The following PRKAR2B variants were observed in gnomAD, a reference collection of about 807,000 sequenced individuals.
PRKAR2B encodes cAMP-dependent protein kinase type II-beta regulatory subunit.
A neutral mutation model predicts 49.9 loss-of-function variants in PRKAR2B; 14 were observed. That is an observed-to-expected ratio of 0.28 (90% confidence interval 0.19 to 0.44). The LOEUF (loss-of-function observed/expected upper bound fraction) is 0.44, where lower values mean the gene tolerates loss of function less well. Among genes scored for constraint, PRKAR2B ranks in the 20% least tolerant of loss-of-function variants. The probability of loss-of-function intolerance (pLI) is 1.00; values close to 1 mark genes in which losing one functional copy is unlikely to be tolerated. For missense variants in PRKAR2B, 393 were observed against 537.9 expected (o/e 0.73, Z 2.67); for synonymous variants, 196 against 197.7 (o/e 0.99, Z 0.07).
At chr7:107,066,571 G>A (rs1177496727) in intron 1 of PRKAR2B, 3 of 151,882 alleles carry the variant, frequency 2.0e-5, no homozygotes, top group Non-Finnish European at 4.4e-5. Flanking sequence ...AAGATGTTTA[G>A]GTTTTTTTTG....
rs1796186808 is a variant in PRKAR2B at position 107,160,900 on chromosome 7, A to G, written c.*1318A>G. 1 of 152,230 alleles carries G rather than the reference A, an allele frequency of 6.6e-6. No homozygotes were observed. Among genetic ancestry groups the G allele is most frequent in the South Asian group, 2.1e-4 (1 of 4,832 alleles). The allele number at this position is 152,230 out of a possible 1,614,324, so 9.4% of individuals were successfully genotyped here. Reference sequence around the variant, plus strand: ...TATTCAACCAAAGCAATATACTCTTACATGATTTCTAGGCCCCATGACCCA... The same window carrying G: ...TATTCAACCAAAGCAATATACTCTTGCATGATTTCTAGGCCCCATGACCCA... On this transcript the variant is annotated 3_prime_UTR_variant, in exon 11 of 11. Coordinates refer to ENST00000265717, the MANE Select transcript of PRKAR2B (RefSeq NM_002736.3).
At chr7:107,053,099 G>T (rs1211706550) in intron 1 of PRKAR2B, among the ~76,000 whole-genome samples, 1 of 152,158 alleles carries the variant, frequency 6.6e-6, no homozygotes, top group Non-Finnish European at 1.5e-5. Flanking sequence ...CCAAAATACT[G>T]GGATTATAGG....
intron 4 of PRKAR2B, among the ~76,000 whole-genome samples, chr7:107,130,257 T>A (rs1215198509): frequency 6.6e-6 from 1 of 151,624 alleles, no homozygotes; most frequent in East Asian, 1.9e-4. Context: ...CCCAGCACTT[T>A]GGGAGGCCGA....
At chr7:107,134,012 G>A (rs1795650452) in intron 4 of PRKAR2B, among the ~76,000 whole-genome samples, 1 of 151,808 alleles carries the variant, frequency 6.6e-6, no homozygotes. Context: ...TAGACATACT[G>A]TTATGCCCTG....
chr7:107,153,788 G>A (rs2115673486), intron 8 of PRKAR2B, among the ~76,000 whole-genome samples: 1 of 152,326 alleles, frequency 6.6e-6, no homozygotes, highest in South Asian at 2.1e-4. Context: ...GCTACCAAAA[G>A]TAGAATTTGT....
intron 2 of PRKAR2B, among the ~76,000 whole-genome samples, chr7:107,096,634 T>C (rs1479145230): frequency 6.6e-6 from 1 of 152,246 alleles, no homozygotes; most frequent in African/African-American, 2.4e-5. Flanking sequence ...TCCTGCTTTC[T>C]CTTGTGGGCA....
intron 3 of PRKAR2B, among the ~76,000 whole-genome samples, chr7:107,122,749 A>C (rs1231210381): frequency 6.6e-6 from 1 of 152,154 alleles, no homozygotes; most frequent in Non-Finnish European, 1.5e-5. Flanking sequence ...TCATGTGGAG[A>C]AGCAGCTACT....
intron 2 of PRKAR2B, among the ~76,000 whole-genome samples, chr7:107,096,220 G>A (rs368444733): frequency 3.9e-5 from 6 of 152,078 alleles, no homozygotes; most frequent in East Asian, 1.9e-4. Context: ...CTTTTTCCTC[G>A]TTTAGTCCTG....
chr7:107,103,980 T>G (rs1795023045), intron 2 of PRKAR2B, among the ~76,000 whole-genome samples: 1 of 152,228 alleles, frequency 6.6e-6, no homozygotes, highest in African/African-American at 2.4e-5. Flanking sequence ...AACCTGGGAA[T>G]CCAAATCTGG....
intron 2 of PRKAR2B, among the ~76,000 whole-genome samples, chr7:107,072,063 C>T (rs1484267727): frequency 3.9e-5 from 5 of 128,084 alleles, no homozygotes; most frequent in African/African-American, 1.1e-4. Flanking sequence ...GGTGAGACCG[C>T]ATCTCAAAAA....
chr7:107,108,030 A>G (rs902915658), intron 2 of PRKAR2B, among the ~76,000 whole-genome samples: 5 of 152,154 alleles, frequency 3.3e-5, no homozygotes, highest in African/African-American at 1.2e-4. Context: ...TCTGAATTCC[A>G]AAAAAAGCAC....
At chr7:107,108,903 A>C (rs1210834066) in intron 2 of PRKAR2B, among the ~76,000 whole-genome samples, 1 of 152,230 alleles carries the variant, frequency 6.6e-6, no homozygotes, top group Non-Finnish European at 1.5e-5. Context: ...CAATTCAAGA[A>C]AAGCAAGTTC....
At chr7:107,107,346 A>G (rs1187683505) in intron 2 of PRKAR2B, among the ~76,000 whole-genome samples, 1 of 152,158 alleles carries the variant, frequency 6.6e-6, no homozygotes, top group East Asian at 1.9e-4. Context: ...CAAAAAAAAA[A>G]AGCCATTTTT....
intron 8 of PRKAR2B, among the ~76,000 whole-genome samples, chr7:107,155,245 C>A (rs1796059578): frequency 6.6e-6 from 1 of 152,006 alleles, no homozygotes; most frequent in Non-Finnish European, 1.5e-5. Flanking sequence ...AGCAGAAATA[C>A]AGTGGTAGAG....
intron 5 of PRKAR2B, among the ~76,000 whole-genome samples, chr7:107,141,242 A>G (rs1389454090): frequency 6.6e-6 from 1 of 152,206 alleles, no homozygotes; most frequent in Non-Finnish European, 1.5e-5. Context: ...ATTGAGAGAT[A>G]TTATGTAGTA....
chr7:107,131,169 A>G (rs958876097), intron 4 of PRKAR2B, among the ~76,000 whole-genome samples: 1 of 152,184 alleles, frequency 6.6e-6, no homozygotes, highest in Non-Finnish European at 1.5e-5. Flanking sequence ...ATGCTTTCCT[A>G]TTCAATGAAC....
rs1021275623 is a variant in PRKAR2B, at chr7:107,083,854, A to G, written c.343+13538A>G. Among the ~76,000 whole-genome samples the G allele has an allele frequency of 7.2e-5, 11 of 152,058 alleles. 1 individual carries two copies. Among genetic ancestry groups the G allele is most frequent in the Admixed American group, 2.0e-4 (3 of 15,268 alleles). ...TCTCAAACTCCTGACGTTGTGATCCACCTGCCTCAGCCTCCCAAAGTGCTG... is the reference window on the plus strand; with the variant it reads ...TCTCAAACTCCTGACGTTGTGATCCGCCTGCCTCAGCCTCCCAAAGTGCTG... On this transcript the variant is annotated intron_variant, in intron 2 of 10. Transcript: ENST00000265717.
intron 2 of PRKAR2B, among the ~76,000 whole-genome samples, chr7:107,071,620 C>T (rs1340393341): frequency 6.6e-6 from 1 of 152,160 alleles, no homozygotes; most frequent in African/African-American, 2.4e-5. Flanking sequence ...AAGAGAGAAT[C>T]AGTATTGTGA....
At chr7:107,106,666 G>A (rs1412274603) in intron 2 of PRKAR2B, among the ~76,000 whole-genome samples, 1 of 152,184 alleles carries the variant, frequency 6.6e-6, no homozygotes, top group African/African-American at 2.4e-5. Context: ...GGTGGCACTG[G>A]TTGGATTCAC....
Sources: allele counts gnomAD v4.1 joint callset (sites outside exome capture counted in the v4.1 genomes callset), GRCh38; gene constraint gnomAD v4.1.1; transcripts MANE v1.5; gene names NCBI Gene and HGNC (gene_info 2026-07-23, HGNC 2026-07-21).